THSD4: variants seen among roughly 807,000 people sequenced by gnomAD.
The protein encoded by THSD4 is thrombospondin type 1 domain containing 4.
THSD4 carries 69 observed loss-of-function variants against 119.0 expected under a neutral mutation model. The observed-to-expected ratio is 0.58, with a 90% CI of 0.48 to 0.71. The LOEUF is 0.71. Ranked by LOEUF, THSD4 falls within the 30% of genes least tolerant of loss-of-function variation. The probability of loss-of-function intolerance (pLI) is 0.00; values close to 1 mark genes in which losing one functional copy is unlikely to be tolerated. For missense variants in THSD4, 1,393 were observed against 1,391.1 expected (o/e 1.00, Z -0.02); for synonymous variants, 524 against 540.4 (o/e 0.97, Z 0.42).
chr15:71,377,873 C>CACACACACACACACACACACACAA (rs1566961313), intron 6 of THSD4, among the ~76,000 whole-genome samples: 29 of 66,882 alleles, frequency 4.3e-4, no homozygotes, highest in Non-Finnish European at 2.1e-4. Flanking sequence ...CCACAACACA[C>CACACACACACACACACACACACAA]ACACACACAC....
chr15:71,752,644 C>G (rs557107084), intron 14 of THSD4, among the ~76,000 whole-genome samples: 14 of 152,120 alleles, frequency 9.2e-5, no homozygotes, highest in Non-Finnish European at 1.8e-4. Context: ...CGTATTTGAC[C>G]CTGAGCCAGC....
chr15:71,598,542 C>A (rs575122341), intron 7 of THSD4, among the ~76,000 whole-genome samples: 2 of 152,288 alleles, frequency 1.3e-5, no homozygotes, highest in Admixed American at 6.5e-5. Flanking sequence ...CCCTGCTACA[C>A]TCTCTTTGTG....
intron 7 of THSD4, among the ~76,000 whole-genome samples, chr15:71,559,669 A>G (rs1169478202): frequency 6.6e-6 from 1 of 152,048 alleles, no homozygotes; most frequent in Non-Finnish European, 1.5e-5. Context: ...ATTCATCGCA[A>G]TGACATATAA....
chr15:71,513,673 A>C (rs569285603), intron 7 of THSD4, among the ~76,000 whole-genome samples: 29 of 152,298 alleles, frequency 1.9e-4, no homozygotes, highest in African/African-American at 5.5e-4. Flanking sequence ...CCAGCAATGA[A>C]ATTGCTGGGT....
At chr15:71,614,699 T>A (rs1353340507) in intron 7 of THSD4, among the ~76,000 whole-genome samples, 1 of 152,184 alleles carries the variant, frequency 6.6e-6, no homozygotes, top group Non-Finnish European at 1.5e-5. Flanking sequence ...TCAATATTGG[T>A]TATGATCATG....
intron 7 of THSD4, among the ~76,000 whole-genome samples, chr15:71,648,788 G>A (rs16955940): frequency 0.1 from 15,587 of 152,172 alleles, 848 homozygotes; most frequent in East Asian, 0.19. Context: ...TGGCCAGACT[G>A]CCAAGGGACG....
chr15:71,520,872 G>A (rs2140784686), intron 7 of THSD4, among the ~76,000 whole-genome samples: 1 of 152,334 alleles, frequency 6.6e-6, no homozygotes, highest in South Asian at 2.1e-4. Context: ...AAGTGAAGAA[G>A]ATATGTTTGC....
chr15:71,389,810 G>GTTGTTTTTTTTTTTTT (rs2046348588), intron 6 of THSD4, among the ~76,000 whole-genome samples: 1 of 88,024 alleles, frequency 1.1e-5, no homozygotes, highest in African/African-American at 4.3e-5. Context: ...TTTCTGGGTT[G>GTTGTTTTTTTTTTTTT]TTTTTTTTTT....
At chr15:71,742,122 T>A (rs2053247908) in intron 11 of THSD4, among the ~76,000 whole-genome samples, 1 of 152,224 alleles carries the variant, frequency 6.6e-6, no homozygotes, top group Non-Finnish European at 1.5e-5. Flanking sequence ...CCCCTTGTGA[T>A]CCCATTGTGT....
intron 6 of THSD4, among the ~76,000 whole-genome samples, chr15:71,347,268 C>T (rs1014401993): frequency 2.0e-5 from 3 of 152,042 alleles, no homozygotes; most frequent in Non-Finnish European, 2.9e-5. Context: ...CTGTGTACTC[C>T]GTCACCCTGA....
intron 14 of THSD4, among the ~76,000 whole-genome samples, chr15:71,751,735 A>C (rs1438253235): frequency 6.6e-6 from 1 of 152,004 alleles, no homozygotes; most frequent in African/African-American, 2.4e-5. Context: ...TGGCACAATC[A>C]TGGCTCACTG....
intron 16 of THSD4, among the ~76,000 whole-genome samples, chr15:71,766,148 T>C (rs2053713737): frequency 6.6e-6 from 1 of 152,092 alleles, no homozygotes; most frequent in Admixed American, 6.5e-5. Flanking sequence ...CAGAAATAAG[T>C]TATTAAGAAA....
At chr15:71,596,959 G>A (rs2049917634) in intron 7 of THSD4, among the ~76,000 whole-genome samples, 1 of 152,182 alleles carries the variant, frequency 6.6e-6, no homozygotes, top group African/African-American at 2.4e-5. Flanking sequence ...GAAGCCACAA[G>A]CTTTAGGGAA....
intron 8 of THSD4, among the ~76,000 whole-genome samples, chr15:71,708,033 T>C (rs1332748851): frequency 6.6e-6 from 1 of 152,150 alleles, no homozygotes; most frequent in Non-Finnish European, 1.5e-5. Context: ...TTTAAGAGAG[T>C]TAACTGAGTT....
intron 14 of THSD4, among the ~76,000 whole-genome samples, chr15:71,755,814 T>C (rs1567137748): frequency 6.8e-6 from 1 of 146,726 alleles, no homozygotes; most frequent in African/African-American, 2.5e-5. Context: ...TGAAAGAACA[T>C]CTTAAATTGG....
intron 7 of THSD4, among the ~76,000 whole-genome samples, chr15:71,531,831 G>T (rs997474877): frequency 6.6e-6 from 1 of 152,164 alleles, no homozygotes; most frequent in African/African-American, 2.4e-5. Flanking sequence ...AATAAGAGAA[G>T]CAGAAACTGG....
At chr15:71,611,233 T>C (rs2050218736) in intron 7 of THSD4, among the ~76,000 whole-genome samples, 1 of 152,244 alleles carries the variant, frequency 6.6e-6, no homozygotes, top group South Asian at 2.1e-4. Flanking sequence ...TCCATTTCCC[T>C]TGTGTATCCT....
At chr15:71,202,628 C>T (rs1379471431) in intron 3 of THSD4, among the ~76,000 whole-genome samples, 1 of 152,142 alleles carries the variant, frequency 6.6e-6, no homozygotes, top group African/African-American at 2.4e-5. Context: ...TTTTAAATTA[C>T]TTATCATAAG....
chr15:71,472,524 C>T (rs1028532301), intron 7 of THSD4, among the ~76,000 whole-genome samples: 1 of 152,182 alleles, frequency 6.6e-6, no homozygotes, highest in Non-Finnish European at 1.5e-5. Flanking sequence ...CCCATTAGAA[C>T]TCCCCCCAGT....
Sources: gnomAD v4.1 joint callset for allele counts (sites outside exome capture counted in the v4.1 genomes callset) on GRCh38, gnomAD v4.1.1 for gene constraint, MANE v1.5 for transcripts, NCBI Gene and HGNC (gene_info 2026-07-23, HGNC 2026-07-21) for gene names.